DIP2B: variants seen among roughly 807,000 people sequenced by gnomAD.
DIP2B encodes DIP2 acetate--CoA ligase B (putative).
DIP2B carries 76 observed loss-of-function variants against 198.0 expected under a neutral mutation model. The observed-to-expected ratio is 0.38, with a 90% CI of 0.32 to 0.46. The LOEUF is 0.46. Among genes scored for constraint, DIP2B ranks in the 20% least tolerant of loss-of-function variants. The pLI is 0.99. For missense variants in DIP2B, 1,559 were observed against 1,978.4 expected, an observed-to-expected ratio of 0.79 and a Z score of 4.02; for synonymous variants, 701 against 739.1, an observed-to-expected ratio of 0.95 and a Z score of 0.84.
chr12:50,675,336 T>C lies in DIP2B; in HGVS notation c.804T>C (p.Pro268=), dbSNP rs1938928199. 20 of 1,611,952 alleles carry C rather than the reference T, an allele frequency of 1.2e-5. No individual in the cohort carries two copies. Among genetic ancestry groups the C allele is most frequent in the African/African-American group, 2.7e-5 (2 of 74,918 alleles). ...SSLMDTADGV[P]VSSRVSTKIQ... The stretch of plus-strand genomic sequence containing the variant: ...CCATTTTTTCCCTTATAGGTGTTCC[T>C]GTCAGTAGCAGAGTATCTACAAAAA... The change falls in exon 7 of 38, where the codon CCT becomes CCC. Residue 268 remains proline (P), a synonymous_variant. Transcript: ENST00000301180.
Position 50,652,173 on chromosome 12 carries a change from C to T in DIP2B, c.302-8021C>T, listed in dbSNP as rs575278706. ...CTAAAAATAAAAAAAATTAGCCAGG[C>T]GTTGTAGCAGGCACCTCTAATCCCA... On this transcript the variant is annotated intron_variant, in intron 3 of 37. Coordinates refer to ENST00000301180, the MANE Select transcript of DIP2B (RefSeq NM_173602.3). Among the ~76,000 whole-genome samples, 24 of 151,932 alleles carry T rather than the reference C, an allele frequency of 1.6e-4. 1 individual carries two copies. Among genetic ancestry groups the T allele is most frequent in the African/African-American group, 4.8e-4 (20 of 41,460 alleles).
chr12:50,645,700 C>T (rs1002746685), intron 3 of DIP2B, among the ~76,000 whole-genome samples: 1 of 152,078 alleles, frequency 6.6e-6, no homozygotes, highest in Non-Finnish European at 1.5e-5. Context: ...TTTAAGCAAT[C>T]CTCCCGCCTT....
At chr12:50,673,116 A>G (rs1388061055) in intron 5 of DIP2B, among the ~76,000 whole-genome samples, 1 of 152,200 alleles carries the variant, frequency 6.6e-6, no homozygotes, top group Non-Finnish European at 1.5e-5. Context: ...GGACCAAATA[A>G]AAATGTCTGT....
intron 3 of DIP2B, among the ~76,000 whole-genome samples, chr12:50,648,800 CAGTA>C (rs998902768): frequency 8.0e-5 from 12 of 150,680 alleles, no homozygotes; most frequent in African/African-American, 2.9e-4. Context: ...CAAGAAAAAT[CAGTA>C]AGAAGTGTAA....
intron 2 of DIP2B, among the ~76,000 whole-genome samples, chr12:50,632,044 G>C (rs1938065678): frequency 6.8e-6 from 1 of 148,104 alleles, no homozygotes; most frequent in Non-Finnish European, 1.5e-5. Flanking sequence ...TGCCCAAGCT[G>C]TTCTCAAACT....
intron 1 of DIP2B, among the ~76,000 whole-genome samples, chr12:50,601,013 A>G (rs1441049937): frequency 1.3e-5 from 2 of 149,634 alleles, no homozygotes; most frequent in African/African-American, 4.9e-5. Context: ...TGCCTCACCC[A>G]TTGGAAGCCC....
chr12:50,651,936 T>C (rs1009554734), intron 3 of DIP2B, among the ~76,000 whole-genome samples: 3 of 152,066 alleles, frequency 2.0e-5, no homozygotes, highest in African/African-American at 4.8e-5. Context: ...TCCCAGCACA[T>C]TGGGAGGCCA....
intron 36 of DIP2B, among the ~76,000 whole-genome samples, chr12:50,740,028 G>A (rs545571985): frequency 1.3e-5 from 2 of 152,300 alleles, no homozygotes; most frequent in African/African-American, 2.4e-5. Context: ...AGTGTCTTGC[G>A]TTGGACACAG....
intron 33 of DIP2B, 21 bp downstream of exon 33, chr12:50,734,217 C>T: frequency 6.2e-7 from 1 of 1,613,136 alleles, no homozygotes; most frequent in Non-Finnish European, 8.5e-7. Flanking sequence ...TTTATTAATG[C>T]TCCTTTCCTA....
chr12:50,547,255 C>T (rs993724583), intron 1 of DIP2B, among the ~76,000 whole-genome samples: 1 of 152,124 alleles, frequency 6.6e-6, no homozygotes, highest in Non-Finnish European at 1.5e-5. Context: ...TGAAATATTT[C>T]TGGGAAGTAA....
At chr12:50,679,187 G>A in intron 8 of DIP2B, 2 of 274,004 alleles carry the variant, frequency 7.3e-6, no homozygotes, top group Non-Finnish European at 7.0e-6. Context: ...AAAATCAGAT[G>A]GTTTTATCTA....
chr12:50,647,577 G>C (rs1454112630), intron 3 of DIP2B, among the ~76,000 whole-genome samples: 1 of 152,144 alleles, frequency 6.6e-6, no homozygotes, highest in African/African-American at 2.4e-5. Context: ...CAGTACCTTA[G>C]AAATTAAGGA....
At chr12:50,679,001 A>G (rs1938994638) in intron 8 of DIP2B, 125 bp downstream of exon 8, 4 of 1,119,774 alleles carry the variant, frequency 3.6e-6, no homozygotes, top group Non-Finnish European at 5.0e-6. Flanking sequence ...TCAATAATTT[A>G]AAAGGATCCT....
intron 1 of DIP2B, among the ~76,000 whole-genome samples, chr12:50,581,370 C>T (rs1383976136): frequency 1.3e-5 from 2 of 149,420 alleles, no homozygotes. Flanking sequence ...ATCCACCCTC[C>T]TGGGCAACCA....
chr12:50,532,546 A>G lies in DIP2B; in HGVS notation c.100+27306A>G, dbSNP rs149404488. 4.7e-3 allele frequency among the ~76,000 whole-genome samples: 718 copies of G among 152,246 alleles called. 8 individuals carry two copies. The highest frequency in any genetic ancestry group is 0.016 in the African/African-American group (678 of 41,542). On this transcript the variant is annotated intron_variant, in intron 1 of 37. Transcript: ENST00000301180. ...AAAAAACAAATAAAAATAAGAGTGT[A>G]ATATATGTATCCTTGGAACATGCAT...
chr12:50,538,478 A>G (rs1958290028), intron 1 of DIP2B, among the ~76,000 whole-genome samples: 1 of 152,142 alleles, frequency 6.6e-6, no homozygotes, highest in Non-Finnish European at 1.5e-5. Context: ...ACTTCCCAAA[A>G]TGTAGCTACT....
In DIP2B at chr12:50,734,219, C is replaced by T. The variant is rs202003064; in HGVS notation, c.4043+23C>T. On this transcript the variant is annotated intron_variant, in intron 33 of 37. Transcript: ENST00000301180. Reference sequence around the variant, plus strand: ...CAGGTACAACAGATTTATTAATGCTCCTTTCCTACTAGTTCCTAAGCATAA... The same window carrying T: ...CAGGTACAACAGATTTATTAATGCTTCTTTCCTACTAGTTCCTAAGCATAA... The T allele has an allele frequency of 1.1e-3, 1,829 of 1,612,726 alleles. 4 individuals are homozygous for T. The highest frequency in any genetic ancestry group is 7.1e-3 in the Middle Eastern group (43 of 6,058).
chr12:50,676,551 G>A (rs1466913303), intron 7 of DIP2B, among the ~76,000 whole-genome samples: 1 of 152,196 alleles, frequency 6.6e-6, no homozygotes, highest in African/African-American at 2.4e-5. Context: ...GTATTGACCA[G>A]GCACATGAAG....
chr12:50,602,167 G>A (rs1182477685), intron 1 of DIP2B, among the ~76,000 whole-genome samples: 1 of 152,190 alleles, frequency 6.6e-6, no homozygotes, highest in Non-Finnish European at 1.5e-5. Flanking sequence ...CTAATAGAAC[G>A]AGATGTAGCA....
Sources: gnomAD v4.1 joint callset for allele counts (sites outside exome capture counted in the v4.1 genomes callset) on GRCh38, gnomAD v4.1.1 for gene constraint, MANE v1.5 for transcripts, NCBI Gene and HGNC (gene_info 2026-07-23, HGNC 2026-07-21) for gene names.